Variants in H2AZ2 observed in about 807,000 individuals in gnomAD.
H2AZ2 encodes H2A.Z variant histone 2.
H2AZ2 carries 5 observed loss-of-function variants against 15.5 expected under a neutral mutation model. That is an observed-to-expected ratio of 0.32 (90% CI 0.17 to 0.68). The LOEUF (loss-of-function observed/expected upper bound fraction) is 0.68. Ranked by LOEUF, H2AZ2 falls within the 30% of genes least tolerant of loss-of-function variation. H2AZ2 has a pLI of 0.72. For synonymous variants in H2AZ2, 44 were observed against 57.4 expected (o/e 0.77, Z 1.05); for missense variants, 42 against 162.5 (o/e 0.26, Z 4.03).
intron 1 of H2AZ2, among the ~76,000 whole-genome samples, chr7:44,843,631 T>A (rs1298286653): frequency 2.0e-5 from 3 of 152,204 alleles, no homozygotes; most frequent in African/African-American, 7.2e-5. Flanking sequence ...CGACCTTGAC[T>A]CACTGCAAAC....
intron 1 of H2AZ2, among the ~76,000 whole-genome samples, chr7:44,845,871 T>C (rs936039279): frequency 6.6e-6 from 1 of 152,196 alleles, no homozygotes; most frequent in Admixed American, 6.5e-5. Flanking sequence ...ATAATTACTT[T>C]CTTTCCGATA....
chr7:44,843,174 AAG>A (rs1252799650), intron 2 of H2AZ2, 101 bp downstream of exon 2: 1 of 277,080 alleles, frequency 3.6e-6, no homozygotes, highest in Non-Finnish European at 6.8e-6. Flanking sequence ...AAAAAAAAAA[AAG>A]TCTGTAGTAA....
intron 3 of H2AZ2, among the ~76,000 whole-genome samples, chr7:44,840,142 C>T (rs879335544): frequency 6.3e-4 from 95 of 151,854 alleles, no homozygotes; most frequent in Admixed American, 9.8e-4. Context: ...TTGGAGTGAG[C>T]TATGATCATG....
At chr7:44,837,433 G>GAAAAAAAAAAAAA (rs71011996) in intron 3 of H2AZ2, among the ~76,000 whole-genome samples, 1 of 87,270 alleles carries the variant, frequency 1.1e-5, no homozygotes, top group Non-Finnish European at 2.1e-5. Flanking sequence ...AAAAAAAAAA[G>GAAAAAAAAAAAAA]AAAAAAAAAA....
chr7:44,837,433 GAAAA>G (rs71011996), intron 3 of H2AZ2, among the ~76,000 whole-genome samples: 260 of 87,292 alleles, frequency 3.0e-3, no homozygotes, highest in African/African-American at 4.6e-3. Context: ...AAAAAAAAAA[GAAAA>G]AAAAAAAAAA....
In H2AZ2 at chr7:44,833,108, C is replaced by T. The variant is rs1437107371; in HGVS notation, c.*1393G>A. Reference sequence around the variant, plus strand: ...TGTCACCTAGGCTGGAGTGTAGTGGCGTGATCTTGGCTCACTGCAACCTCT... The same window carrying T: ...TGTCACCTAGGCTGGAGTGTAGTGGTGTGATCTTGGCTCACTGCAACCTCT... On this transcript the variant is annotated 3_prime_UTR_variant, in exon 5 of 5. Transcript: ENST00000308153. Among the ~76,000 whole-genome samples, 1 of 151,780 alleles carries T rather than the reference C, an allele frequency of 6.6e-6. No homozygotes were observed. Among genetic ancestry groups the T allele is most frequent in the African/African-American group, 2.4e-5 (1 of 41,304 alleles).
chr7:44,841,507 C>T (rs969446597), intron 2 of H2AZ2, among the ~76,000 whole-genome samples: 2 of 152,004 alleles, frequency 1.3e-5, no homozygotes, highest in Non-Finnish European at 1.5e-5. Context: ...CTTGTCTGTG[C>T]CCTTTATTAT....
In H2AZ2 at chr7:44,848,032, G is replaced by GCCGCCGCCGCTCTCGCAGCACCGA. The variant is rs1793461593; in HGVS notation, c.-85_-62dup. The GCCGCCGCCGCTCTCGCAGCACCGA allele has an allele frequency of 6.3e-6, 7 of 1,116,558 alleles. No homozygotes were observed. The highest frequency in any genetic ancestry group is 4.4e-5 in the Admixed American group (1 of 22,864). 69.2% of individuals were successfully genotyped at this position (1,116,558 alleles called of 1,614,324 possible). ...CGCCCTCCCGCTGCCGACCCGCGCC[G>GCCGCCGCCGCTCTCGCAGCACCGA]CCGCCGCCGCTCTCGCAGCACCGAC... is the stretch of plus-strand genomic sequence containing the variant. On this transcript the variant is annotated 5_prime_UTR_variant, in exon 1 of 5. Transcript: ENST00000308153.
At chr7:44,841,096 T>C (rs1390252196) in intron 2 of H2AZ2, 84 bp from the exon 3 acceptor site, 1 of 988,316 alleles carries the variant, frequency 1.0e-6, no homozygotes, top group Non-Finnish European at 1.5e-6. Flanking sequence ...AATGTAAGCA[T>C]GAAATAATAA....
At chr7:44,830,521 C>T (rs1213251062), downstream of H2AZ2, among the ~76,000 whole-genome samples, 1 of 152,088 alleles carries the variant, frequency 6.6e-6, no homozygotes, top group Non-Finnish European at 1.5e-5. Flanking sequence ...TGGACTCTTC[C>T]CAAATGCAAA....
At chr7:44,829,201 A>G (rs1375039572), downstream of H2AZ2, 1 of 152,206 alleles carries the variant, frequency 6.6e-6, no homozygotes, top group African/African-American at 2.4e-5. Flanking sequence ...TGTCTCCCTT[A>G]GACACTTTTG....
chr7:44,845,642 C>T (rs1225172645), intron 1 of H2AZ2, among the ~76,000 whole-genome samples: 1 of 152,156 alleles, frequency 6.6e-6, no homozygotes, highest in Non-Finnish European at 1.5e-5. Flanking sequence ...ATAATAACTA[C>T]TCTGCTTAAG....
intron 1 of H2AZ2, among the ~76,000 whole-genome samples, chr7:44,844,866 G>A (rs1050896251): frequency 1.3e-5 from 2 of 152,154 alleles, no homozygotes; most frequent in Non-Finnish European, 2.9e-5. Flanking sequence ...GTGTACACAT[G>A]TATTTCTAGT....
chr7:44,843,505 T>C, intron 1 of H2AZ2, 151 bp from the exon 2 acceptor site: 1 of 596,264 alleles, frequency 1.7e-6, no homozygotes, highest in Non-Finnish European at 3.0e-6. Flanking sequence ...CATGGGATTC[T>C]ATCACCTTTT....
rs1405672994 is a variant in H2AZ2, at chr7:44,835,603, G to A, written c.251C>T (p.Pro84Leu). Residue 84 changes from proline to leucine, a missense_variant, in exon 4 of 5, where the codon CCG becomes CTG. Pro to Leu is a moderately conservative substitution (Grantham distance 98, BLOSUM62 -3). Coordinates refer to ENST00000308153, the MANE Select transcript of H2AZ2 (RefSeq NM_012412.5). Reference protein sequence around the residue: ...SKDLKVKRITPRHLQLAIRGD... With the variant: ...SKDLKVKRITLRHLQLAIRGD... Reference sequence around the variant, plus strand: ...ACGGATTGCAAGCTGCAAGTGACGCGGAGTGATACGCTTTACTTTGAGATC... The same window carrying A: ...ACGGATTGCAAGCTGCAAGTGACGCAGAGTGATACGCTTTACTTTGAGATC... 7 of 1,613,532 alleles carry A rather than the reference G, an allele frequency of 4.3e-6. No homozygotes were observed. Among genetic ancestry groups the A allele is most frequent in the Non-Finnish European group, 5.1e-6 (6 of 1,179,750 alleles).
chr7:44,834,580 A>G lies in H2AZ2; in HGVS notation c.326-18T>C, dbSNP rs1793071256. The G allele has an allele frequency of 6.3e-7, 1 of 1,580,854 alleles. No individual in the cohort carries two copies. The highest frequency in any genetic ancestry group is 8.6e-7 in the Non-Finnish European group (1 of 1,158,564). On this transcript the variant is annotated intron_variant, in intron 4 of 4. Coordinates refer to ENST00000308153, the MANE Select transcript of H2AZ2 (RefSeq NM_012412.5). Reference sequence around the variant, plus strand: ...GATCACACCTAGAATGAAATTTAAAAAAGTTATTAAAAACTTTTAAAGTTT... The same window carrying G: ...GATCACACCTAGAATGAAATTTAAAGAAGTTATTAAAAACTTTTAAAGTTT...
chr7:44,846,062 C>CACACACACACACACACAGAGAGAG (rs57468916), intron 1 of H2AZ2, among the ~76,000 whole-genome samples: 1 of 75,060 alleles, frequency 1.3e-5, no homozygotes, highest in South Asian at 3.7e-4. Flanking sequence ...CACACACACA[C>CACACACACACACACACAGAGAGAG]AGAGAGAGAC....
At chr7:44,847,918 G>A (rs752942485) in intron 1 of H2AZ2, 51 bp downstream of exon 1, 4 of 1,531,920 alleles carry the variant, frequency 2.6e-6, no homozygotes, top group Admixed American at 2.0e-5. Context: ...CAGGGCCTCC[G>A]CGCTCTGCTC....
exon 5 of H2AZ2, chr7:44,826,957 T>C (rs1402655955): frequency 6.6e-6 from 1 of 152,244 alleles, no homozygotes; most frequent in Non-Finnish European, 1.5e-5. Flanking sequence ...AGTATGCTAT[T>C]CTTTGATTTT....
Sources: gnomAD v4.1 joint callset for allele counts (sites outside exome capture counted in the v4.1 genomes callset) on GRCh38, gnomAD v4.1.1 for gene constraint, MANE v1.5 for transcripts, NCBI Gene and HGNC (gene_info 2026-07-23, HGNC 2026-07-21) for gene names.